PSG2: variants seen among roughly 807,000 people sequenced by gnomAD.
The protein encoded by PSG2 is pregnancy-specific beta-1-glycoprotein 2.
In PSG2, 49 loss-of-function variants were observed where a neutral mutation model predicts 36.2. The ratio of observed to expected loss-of-function variants is 1.35; its 90% CI spans 1.08 to 1.72. The LOEUF (loss-of-function observed/expected upper bound fraction) is 1.72. Among genes scored for constraint, PSG2 ranks in the 40% most tolerant of loss-of-function variants. The probability of loss-of-function intolerance (pLI) is 0.00; values close to 1 mark genes in which losing one functional copy is unlikely to be tolerated. For synonymous variants in PSG2, 261 were observed against 155.6 expected (o/e 1.68, Z -5.04); for missense variants, 605 against 407.2 (o/e 1.49, Z -4.18).
At chr19:43,072,828 A>G (rs904198924) in intron 3 of PSG2, among the ~76,000 whole-genome samples, 1 of 151,730 alleles carries the variant, frequency 6.6e-6, no homozygotes, top group Non-Finnish European at 1.5e-5. Flanking sequence ...CTGTCTTAGG[A>G]AAGCACAGAC....
chr19:43,079,908 C>T (rs1348444419), intron 2 of PSG2, among the ~76,000 whole-genome samples: 1 of 151,606 alleles, frequency 6.6e-6, no homozygotes, highest in Non-Finnish European at 1.5e-5. Context: ...CCTGATCTCC[C>T]CTTTGTGTTG....
intron 2 of PSG2, 35 bp from the exon 3 acceptor site, chr19:43,075,667 G>T: frequency 6.3e-7 from 1 of 1,590,086 alleles, no homozygotes; most frequent in Non-Finnish European, 8.6e-7. Context: ...TGCCCTGTGT[G>T]GCACCTTTGA....
chr19:43,065,931 T>C (rs568436693), intron 5 of PSG2: 2 of 153,116 alleles, frequency 1.3e-5, no homozygotes, highest in East Asian at 3.9e-4. Flanking sequence ...ATTTTATGTC[T>C]ATATGGGTGA....
chr19:43,072,516 G>A, intron 3 of PSG2: 1 of 1,611,218 alleles, frequency 6.2e-7, no homozygotes, highest in Non-Finnish European at 8.5e-7. Flanking sequence ...TGACCATTTA[G>A]CCACCAAATG....
At position 43,071,864 on chromosome 19, in the gene PSG2, G is replaced by T. The variant is rs773851248; in HGVS notation, c.800C>A (p.Pro267Gln). 1.9e-6 allele frequency: 3 copies of T among 1,613,134 alleles called. No individual in the cohort carries two copies. Among genetic ancestry groups the T allele is most frequent in the Non-Finnish European group, 2.5e-6 (3 of 1,179,630 alleles). Residue 267 changes from proline (P) to glutamine (Q), a missense_variant, in exon 4 of 6, where the codon CCA (proline) becomes CAA (glutamine). Coordinates refer to ENST00000406487, the MANE Select transcript of PSG2 (RefSeq NM_031246.4). ...LYLSCFANSN[P>Q]PAQYSWTING... ...AATTGTCCAAGAATACTGTGCCGGT[G>T]GGTTAGAGTTCGCGAAGCAAGACAA...
At chr19:43,067,442 C>A (rs1599704225) in intron 4 of PSG2, among the ~76,000 whole-genome samples, 1 of 151,042 alleles carries the variant, frequency 6.6e-6, no homozygotes, top group Non-Finnish European at 1.5e-5. Context: ...TGTGTTACCT[C>A]TTTTTCCATA....
rs974960166 is a variant in PSG2 at position 43,080,761 on chromosome 19, C to G, written c.430+120G>C. ...GTGTCCTGCACTAAATGCCCAAACC[C>G]CAGCATGGGACATAATGCAGAGAGG... On this transcript the variant is annotated intron_variant, in intron 2 of 5. Transcript: ENST00000406487. The G allele has an allele frequency of 3.9e-5, 62 of 1,588,654 alleles. 1 individual carries two copies. Among genetic ancestry groups the G allele is most frequent in the South Asian group, 4.4e-5 (4 of 89,936 alleles).
intron 2 of PSG2, among the ~76,000 whole-genome samples, chr19:43,076,903 C>A (rs188010905): frequency 1.3e-5 from 2 of 151,394 alleles, no homozygotes; most frequent in Non-Finnish European, 1.5e-5. Context: ...ATCCACAATG[C>A]GCCAGTGAGC....
intron 1 of PSG2, among the ~76,000 whole-genome samples, chr19:43,081,476 C>G (rs1257727004): frequency 1.3e-5 from 2 of 151,254 alleles, no homozygotes; most frequent in African/African-American, 2.4e-5. Flanking sequence ...GCAGCATGAC[C>G]CCCATTCCTT....
intron 5 of PSG2, 30 bp from the exon 6 acceptor site, chr19:43,064,631 G>C (rs991456374): frequency 1.7e-5 from 10 of 601,764 alleles, no homozygotes; most frequent in African/African-American, 1.1e-4. Context: ...TGGACTGTAG[G>C]TGATTGTAAG....
rs141317968 is a variant in PSG2, at chr19:43,073,215, G to T, written c.710-1261C>A. 7.7e-3 allele frequency among the ~76,000 whole-genome samples: 1,170 copies of T among 151,946 alleles called. 42 individuals carry two copies. Among genetic ancestry groups the T allele is most frequent in the African/African-American group, 0.026 (1,080 of 41,274 alleles). Reference sequence around the variant, plus strand: ...AGTCATCAGGCAGTGGAGGCACAAGGTGGGGCAGCTTTTTGCAGGTGTTTC... The same window carrying T: ...AGTCATCAGGCAGTGGAGGCACAAGTTGGGGCAGCTTTTTGCAGGTGTTTC... On this transcript the variant is annotated intron_variant, in intron 3 of 5. Coordinates refer to ENST00000406487, the MANE Select transcript of PSG2 (RefSeq NM_031246.4).
At chr19:43,069,809 G>A (rs1241462651) in intron 4 of PSG2, among the ~76,000 whole-genome samples, 2 of 151,640 alleles carry the variant, frequency 1.3e-5, no homozygotes, top group East Asian at 1.9e-4. Context: ...AACAACAAAA[G>A]CATAGGCAAC....
chr19:43,082,361 T>G, intron 1 of PSG2, 145 bp downstream of exon 1: 1 of 1,314,242 alleles, frequency 7.6e-7, no homozygotes, highest in African/African-American at 1.5e-5. Flanking sequence ...AGACTGACCT[T>G]GAACTCCTGA....
intron 5 of PSG2, among the ~76,000 whole-genome samples, chr19:43,066,271 G>C (rs993794857): frequency 6.6e-6 from 1 of 151,620 alleles, no homozygotes; most frequent in Non-Finnish European, 1.5e-5. Flanking sequence ...GTGAAATTGT[G>C]TTTCTCATTT....
Position 43,064,397 on chromosome 19 carries a change from A to AT in PSG2, c.*244dup. 3.2e-6 allele frequency: 1 copy of AT among 309,650 alleles called. No homozygotes were observed. Among genetic ancestry groups the AT allele is most frequent in the Non-Finnish European group, 6.3e-6 (1 of 157,642 alleles). 19.2% of individuals were successfully genotyped at this position (309,650 alleles called of 1,614,324 possible). ...AATGAAACATTCCAAGAATCAGCAC[A>AT]TTTTCAAATAGAAAATTATGAAATC... On this transcript the variant is annotated 3_prime_UTR_variant, in exon 6 of 6. Coordinates refer to ENST00000406487, the MANE Select transcript of PSG2 (RefSeq NM_031246.4).
chr19:43,066,490 C>T (rs1487484571), intron 5 of PSG2, 27 bp downstream of exon 5: 1 of 1,471,710 alleles, frequency 6.8e-7, no homozygotes, highest in Non-Finnish European at 9.5e-7. Context: ...TCTGCAGGAA[C>T]CAGGATAAGA....
intron 4 of PSG2, among the ~76,000 whole-genome samples, chr19:43,070,168 T>C (rs540578086): frequency 1.3e-5 from 2 of 151,638 alleles, no homozygotes; most frequent in East Asian, 3.9e-4. Flanking sequence ...ATGGCTTTGA[T>C]AAACAACAAC....
intron 3 of PSG2, among the ~76,000 whole-genome samples, chr19:43,073,330 G>T: frequency 6.6e-6 from 1 of 151,824 alleles, no homozygotes; most frequent in Non-Finnish European, 1.5e-5. Flanking sequence ...GCAAGAGCTG[G>T]TGGCTTTGGA....
intron 3 of PSG2, chr19:43,072,295 C>A (rs1967830653): frequency 8.1e-6 from 13 of 1,601,676 alleles, no homozygotes; most frequent in Non-Finnish European, 1.0e-5. Context: ...AGAGGCCTGG[C>A]CCCTGGTCAT....
Sources: gnomAD v4.1 joint callset for allele counts (sites outside exome capture counted in the v4.1 genomes callset) on GRCh38, gnomAD v4.1.1 for gene constraint, MANE v1.5 for transcripts, NCBI Gene and HGNC (gene_info 2026-07-23, HGNC 2026-07-21) for gene names.